The following FAM50A variants were observed in gnomAD, a reference collection of about 807,000 sequenced individuals.
The protein encoded by FAM50A is family with sequence similarity 50 member A.
In FAM50A, 6 loss-of-function variants were observed where a neutral mutation model predicts 35.5. The observed-to-expected ratio is 0.17, with a 90% CI of 0.09 to 0.33. The LOEUF is 0.33. Ranked by LOEUF, FAM50A falls within the 10% of genes least tolerant of loss-of-function variation. The pLI, the probability that FAM50A is intolerant of heterozygous loss-of-function variation, is 1.00. For synonymous variants in FAM50A, 120 were observed against 110.9 expected (o/e 1.08, Z -0.52); for missense variants, 145 against 295.5 (o/e 0.49, Z 3.73).
rs1238847123 is a variant in FAM50A, at chrX:154,444,162, CGCCGCT to C, written c.-60_-55del. 37 of 320,978 alleles carry C rather than the reference CGCCGCT, an allele frequency of 1.2e-4. No individual in the cohort carries two copies. Among genetic ancestry groups the C allele is most frequent in the African/African-American group, 3.8e-4 (13 of 33,961 alleles). The allele number at this position is 320,978 out of a possible 1,213,427, so 26.5% of individuals were successfully genotyped here. ...CGTCAGCTGACTGTTCGGCCGCCAC[CGCCGCT>C]GCCGCTGCCGCTGTCGCTGTCGCCG... On this transcript the variant is annotated 5_prime_UTR_variant, in exon 1 of 13. Coordinates refer to ENST00000393600, the MANE Select transcript of FAM50A (RefSeq NM_004699.4).
intron 4 of FAM50A, among the ~76,000 whole-genome samples, chrX:154,448,083 T>G (rs1482224505): frequency 9.9e-6 from 1 of 101,371 alleles, no homozygotes; most frequent in Non-Finnish European, 2.0e-5. Context: ...TTTTTTTTTT[T>G]TTTGAGATGA....
chrX:154,444,582 C>T (rs1465908128), intron 1 of FAM50A: 5 of 191,604 alleles, frequency 2.6e-5, no homozygotes, highest in Non-Finnish European at 3.9e-5. Context: ...TAGCTGATGA[C>T]CGGCCTCCGG....
chrX:154,450,405 C>T lies in FAM50A; in HGVS notation c.1012-19C>T, dbSNP rs372392901. ...CCTCGCCTTCCTTGTCTCCTCTGCC[C>T]ACCTTGTCCTCACACTAGATCCGCT... is the stretch of plus-strand genomic sequence containing the variant. On this transcript the variant is annotated intron_variant, in intron 12 of 12. Coordinates refer to ENST00000393600, the MANE Select transcript of FAM50A (RefSeq NM_004699.4). 15 of 1,209,294 alleles carry T rather than the reference C, an allele frequency of 1.2e-5. No individual in the cohort carries two copies. In the African/African-American group the frequency reaches 2.5e-4, roughly 20 times the overall value.
intron 4 of FAM50A, among the ~76,000 whole-genome samples, chrX:154,447,568 C>T (rs1327129856): frequency 2.7e-5 from 3 of 112,189 alleles, no homozygotes; most frequent in Non-Finnish European, 3.8e-5. Context: ...TTGCGGCAGG[C>T]GCACTAGCTG....
chrX:154,450,163 G>T (rs782674967), intron 11 of FAM50A, 46 bp from the exon 12 acceptor site: 1 of 1,201,359 alleles, frequency 8.3e-7, no homozygotes, highest in Admixed American at 2.2e-5. Context: ...AGAAGCCAAG[G>T]GAAGGGGAGG....
At chrX:154,449,763 A>G (rs782384065) in intron 9 of FAM50A, 28 bp downstream of exon 9, 3 of 1,194,827 alleles carry the variant, frequency 2.5e-6, no homozygotes, top group Non-Finnish European at 3.4e-6. Flanking sequence ...CAGTACCCGC[A>G]GTGGGTGCAG....
chrX:154,449,143 C>T (rs1030280474), intron 7 of FAM50A, 78 bp from the exon 8 acceptor site: 61 of 978,285 alleles, frequency 6.2e-5, no homozygotes, highest in Non-Finnish European at 8.6e-5. Context: ...TGGCAGGGCC[C>T]TCTGGGCCTC....
intron 1 of FAM50A, chrX:154,445,312 C>T (rs782262832): frequency 3.9e-5 from 12 of 306,864 alleles, no homozygotes; most frequent in South Asian, 2.6e-4. Context: ...TTGCCCTCTC[C>T]TCATAACCCT....
At chrX:154,449,983 C>T (rs201070149) in intron 10 of FAM50A, 46 bp from the exon 11 acceptor site, 656 of 1,205,381 alleles carry the variant, frequency 5.4e-4, no homozygotes, top group Non-Finnish European at 7.2e-4. Context: ...CCGATGTTGT[C>T]ACTGGGGCAG....
Position 154,444,210 on chromosome X carries a change from C to T in FAM50A, c.-26C>T, listed in dbSNP as rs868928984. 2.3e-5 allele frequency: 17 copies of T among 742,034 alleles called. No homozygotes were observed. The highest frequency in any genetic ancestry group is 7.6e-5 in the Admixed American group (1 of 13,169). The allele number at this position is 742,034 out of a possible 1,213,427, so 61.2% of individuals were successfully genotyped here. ...CTGTCGCCGCCGCCGCCGCCCGCCGCCGCCGCCGCCGCCGCCGCCGCTGCC... is the reference window on the plus strand; with the variant it reads ...CTGTCGCCGCCGCCGCCGCCCGCCGTCGCCGCCGCCGCCGCCGCCGCTGCC... On this transcript the variant is annotated 5_prime_UTR_variant, in exon 1 of 13. Coordinates refer to ENST00000393600, the MANE Select transcript of FAM50A (RefSeq NM_004699.4).
At position 154,444,209 on chromosome X, in the gene FAM50A, G is replaced by GC. The variant is rs2068771743; in HGVS notation, c.-25dup. The GC allele has an allele frequency of 4.3e-6, 3 of 705,452 alleles. No homozygotes were observed. The highest frequency in any genetic ancestry group is 7.7e-5 in the Admixed American group (1 of 12,916). 58.1% of individuals were successfully genotyped at this position (705,452 alleles called of 1,213,427 possible). A position where few individuals can be genotyped will look rare whatever the true frequency, so the allele number is the denominator to read the frequency against. ...GCTGTCGCCGCCGCCGCCGCCCGCCGCCGCCGCCGCCGCCGCCGCCGCTGC... is the reference window on the plus strand; with the variant it reads ...GCTGTCGCCGCCGCCGCCGCCCGCCGCCCGCCGCCGCCGCCGCCGCCGCTGC... On this transcript the variant is annotated 5_prime_UTR_variant, in exon 1 of 13. Coordinates refer to ENST00000393600, the MANE Select transcript of FAM50A (RefSeq NM_004699.4).
At chrX:154,446,781 A>G (rs374291572) in intron 4 of FAM50A, among the ~76,000 whole-genome samples, 1 of 112,343 alleles carries the variant, frequency 8.9e-6, no homozygotes. Flanking sequence ...GTGCCACCCA[A>G]TATGGTAGCC....
intron 2 of FAM50A, 30 bp from the exon 3 acceptor site, chrX:154,445,782 C>T: frequency 8.4e-7 from 1 of 1,196,369 alleles, no homozygotes; most frequent in Admixed American, 2.2e-5. Flanking sequence ...CCTGCGACTA[C>T]CTTGCCCCTT....
rs2068772399 is a variant in FAM50A at position 154,444,265 on chromosome X, G to A, written c.30G>A (p.Glu10=). The change falls in exon 1 of 13, where the codon GAG becomes GAA. Residue 10 remains glutamate, a synonymous_variant. Transcript: ENST00000393600. MAQYKGAAS[E]AGRAMHLMKK... ...CTCAATACAAGGGCGCCGCGAGCGA[G>A]GCCGGCCGCGCCATGCACCTGATGA... 1 of 1,092,992 alleles carries A rather than the reference G, an allele frequency of 9.1e-7. No homozygotes were observed. The highest frequency in any genetic ancestry group is 1.2e-6 in the Non-Finnish European group (1 of 834,081). The allele number at this position is 1,092,992 out of a possible 1,213,427, so 90.1% of individuals were successfully genotyped here.
At position 154,448,215 on chromosome X, in the gene FAM50A, C is replaced by T. The variant is rs5945191; in HGVS notation, c.443-269C>T. On this transcript the variant is annotated intron_variant, in intron 4 of 12. Coordinates refer to ENST00000393600, the MANE Select transcript of FAM50A (RefSeq NM_004699.4). ...TTCTGAGTAGCTGGTACTACAGGTGCGCCACCACACCCGGCTGATTTTTTT... is the reference window on the plus strand; with the variant it reads ...TTCTGAGTAGCTGGTACTACAGGTGTGCCACCACACCCGGCTGATTTTTTT... Among the ~76,000 whole-genome samples, 65 of 107,936 alleles carry T rather than the reference C, an allele frequency of 6.0e-4. No homozygotes were observed. In the East Asian group the frequency reaches 0.016, roughly 26 times the overall value. The allele number at this position is 107,936 out of a possible 115,157, so 93.7% of individuals were successfully genotyped here. A position where few individuals can be genotyped will look rare whatever the true frequency, so the allele number is the denominator to read the frequency against.
rs1557199696 is a variant in FAM50A, at chrX:154,445,585, A to G, written c.112-48A>G. The G allele has an allele frequency of 2.0e-5, 21 of 1,044,664 alleles. No individual in the cohort carries two copies. The South Asian group carries it at 2.8e-4, about 14-fold the overall frequency. 86.1% of individuals were successfully genotyped at this position (1,044,664 alleles called of 1,213,427 possible). On this transcript the variant is annotated intron_variant, in intron 1 of 12. Transcript: ENST00000393600. Reference sequence around the variant, plus strand: ...GCAGGTCCTTGATGGCCAGCCTGCCATTTCCACAGTGAGGGGTGGTTCTCA... The same window carrying G: ...GCAGGTCCTTGATGGCCAGCCTGCCGTTTCCACAGTGAGGGGTGGTTCTCA...
At chrX:154,446,245 C>T in intron 3 of FAM50A, 170 bp from the exon 4 acceptor site, 1 of 488,569 alleles carries the variant, frequency 2.0e-6, no homozygotes, top group Non-Finnish European at 3.6e-6. Flanking sequence ...GAGCCCTCGC[C>T]CATGAGCTCA....
chrX:154,444,202 GC>G lies in FAM50A; in HGVS notation c.-31del, dbSNP rs782474078. ...CGCTGTCGCTGTCGCCGCCGCCGCCGCCCGCCGCCGCCGCCGCCGCCGCCGC... is the reference window on the plus strand; with the variant it reads ...CGCTGTCGCTGTCGCCGCCGCCGCCGCCGCCGCCGCCGCCGCCGCCGCCGC... On this transcript the variant is annotated 5_prime_UTR_variant, in exon 1 of 13. Coordinates refer to ENST00000393600, the MANE Select transcript of FAM50A (RefSeq NM_004699.4). 1.7e-5 allele frequency: 11 copies of G among 643,408 alleles called. No homozygotes were observed. Among genetic ancestry groups the G allele is most frequent in the Non-Finnish European group, 1.7e-5 (9 of 524,867 alleles). The allele number at this position is 643,408 out of a possible 1,213,427, so 53.0% of individuals were successfully genotyped here.
Position 154,449,637 on chromosome X carries a change from G to A in FAM50A, c.726-44G>A, listed in dbSNP as rs1465607221. The A allele has an allele frequency of 5.2e-6, 6 of 1,145,059 alleles. No individual in the cohort carries two copies. In the Admixed American group the frequency reaches 1.3e-4, roughly 25 times the overall value. The allele number at this position is 1,145,059 out of a possible 1,213,427, so 94.4% of individuals were successfully genotyped here. Reference sequence around the variant, plus strand: ...GGCTGTCTCCTCCCTCCCTGGGCAGGGGTGCTGTCCTCTTGCCCACGCCCT... The same window carrying A: ...GGCTGTCTCCTCCCTCCCTGGGCAGAGGTGCTGTCCTCTTGCCCACGCCCT... On this transcript the variant is annotated intron_variant, in intron 8 of 12. Transcript: ENST00000393600.
Sources: gnomAD v4.1 joint callset for allele counts (sites outside exome capture counted in the v4.1 genomes callset) on GRCh38, gnomAD v4.1.1 for gene constraint, MANE v1.5 for transcripts, NCBI Gene and HGNC (gene_info 2026-07-23, HGNC 2026-07-21) for gene names.